MRPL48: variants seen among roughly 807,000 people sequenced by gnomAD.
MRPL48 encodes the protein large ribosomal subunit protein mL48.
In MRPL48, 16 loss-of-function variants were observed where a neutral mutation model predicts 32.9. That is an observed-to-expected ratio of 0.49 (90% CI 0.33 to 0.74). The LOEUF is 0.74. MRPL48 is among the 30% of genes least tolerant of loss of function. The pLI is 0.02. For synonymous variants in MRPL48, 94 were observed against 89.2 expected, an observed-to-expected ratio of 1.05 and a Z score of -0.31; for missense variants, 206 against 245.3, an observed-to-expected ratio of 0.84 and a Z score of 1.07.
intron 4 of MRPL48, chr11:73,843,370 A>C (rs1231431582): frequency 6.6e-6 from 1 of 151,896 alleles, no homozygotes; most frequent in East Asian, 1.9e-4. Flanking sequence ...GATTACAGGT[A>C]TGTGCCACCA....
At chr11:73,796,031 G>T (rs1318284433) in intron 1 of MRPL48, among the ~76,000 whole-genome samples, 1 of 152,124 alleles carries the variant, frequency 6.6e-6, no homozygotes, top group Non-Finnish European at 1.5e-5. Context: ...TGAAATCGTG[G>T]GCCATCTGGA....
chr11:73,861,432 C>T (rs183579551), intron 6 of MRPL48, among the ~76,000 whole-genome samples: 198 of 152,230 alleles, frequency 1.3e-3, no homozygotes, highest in African/African-American at 4.5e-3. Flanking sequence ...GGCAATGGTG[C>T]GATCTCGGCT....
intron 5 of MRPL48, chr11:73,850,678 ATTTT>A: frequency 7.0e-5 from 13 of 185,202 alleles, no homozygotes; most frequent in Middle Eastern, 2.2e-3. Context: ...GGGCTATACA[ATTTT>A]TTTTTTTTTT....
At chr11:73,801,549 C>G (rs1372615977) in intron 1 of MRPL48, among the ~76,000 whole-genome samples, 5 of 152,118 alleles carry the variant, frequency 3.3e-5, no homozygotes, top group South Asian at 2.1e-4. Flanking sequence ...CACATCCTTC[C>G]CAATCTTCAT....
At chr11:73,826,409 T>C (rs568735219) in intron 4 of MRPL48, among the ~76,000 whole-genome samples, 1 of 152,278 alleles carries the variant, frequency 6.6e-6, no homozygotes, top group Admixed American at 6.5e-5. Flanking sequence ...GATAATTCAG[T>C]TTAGTTGAGT....
At chr11:73,823,395 T>TAC (rs542262143) in intron 3 of MRPL48, among the ~76,000 whole-genome samples, 1 of 152,152 alleles carries the variant, frequency 6.6e-6, no homozygotes, top group Non-Finnish European at 1.5e-5. Flanking sequence ...TACATATAGA[T>TAC]ACACACACAT....
intron 1 of MRPL48, among the ~76,000 whole-genome samples, chr11:73,802,847 G>A (rs1450304208): frequency 1.3e-5 from 2 of 151,886 alleles, no homozygotes; most frequent in Non-Finnish European, 2.9e-5. Context: ...TCACAGGTGT[G>A]CACCACCACG....
chr11:73,808,766 AC>A (rs1240703272), intron 3 of MRPL48, among the ~76,000 whole-genome samples: 3 of 152,058 alleles, frequency 2.0e-5, no homozygotes, highest in Non-Finnish European at 4.4e-5. Flanking sequence ...TACTAAAAAT[AC>A]AAAAAATTAG....
intron 5 of MRPL48, among the ~76,000 whole-genome samples, chr11:73,855,815 T>G (rs1439872962): frequency 2.0e-5 from 3 of 152,202 alleles, no homozygotes; most frequent in Non-Finnish European, 4.4e-5. Flanking sequence ...TTTTGTTTTC[T>G]TACATGTCAT....
intron 3 of MRPL48, among the ~76,000 whole-genome samples, chr11:73,819,045 C>G (rs899378486): frequency 3.3e-5 from 5 of 152,182 alleles, no homozygotes; most frequent in African/African-American, 1.2e-4. Context: ...TGACATGACA[C>G]AGGGGAAAAG....
chr11:73,854,854 G>A (rs544306438), intron 5 of MRPL48, among the ~76,000 whole-genome samples: 1 of 152,246 alleles, frequency 6.6e-6, no homozygotes, highest in East Asian at 1.9e-4. Flanking sequence ...ATTTTTTTGT[G>A]TATTAGTAGA....
chr11:73,851,918 T>TACACACAC (rs35410725), intron 5 of MRPL48, among the ~76,000 whole-genome samples: 16 of 149,274 alleles, frequency 1.1e-4, no homozygotes, highest in African/African-American at 2.5e-4. Flanking sequence ...TCAGGGAACG[T>TACACACAC]ACACACACAC....
intron 3 of MRPL48, chr11:73,823,027 T>C (rs951628863): frequency 6.6e-6 from 3 of 451,396 alleles, no homozygotes; most frequent in Non-Finnish European, 1.3e-5. Context: ...GACTGTCTAG[T>C]TGCAGGAAAA....
intron 3 of MRPL48, among the ~76,000 whole-genome samples, chr11:73,817,200 G>A (rs1273059946): frequency 2.0e-5 from 3 of 152,086 alleles, no homozygotes; most frequent in African/African-American, 7.2e-5. Context: ...AGATCCAATA[G>A]GAATCATTTT....
At chr11:73,861,254 G>C (rs1252889587) in intron 6 of MRPL48, among the ~76,000 whole-genome samples, 1 of 152,128 alleles carries the variant, frequency 6.6e-6, no homozygotes, top group African/African-American at 2.4e-5. Context: ...GAAGCCCATA[G>C]AATAGTTTGA....
At chr11:73,855,258 C>G (rs975146323) in intron 5 of MRPL48, among the ~76,000 whole-genome samples, 1 of 151,752 alleles carries the variant, frequency 6.6e-6, no homozygotes, top group African/African-American at 2.4e-5. Flanking sequence ...GATTATGTCA[C>G]TCTTCTGCTT....
At chr11:73,803,290 C>T (rs1030881343) in intron 1 of MRPL48, among the ~76,000 whole-genome samples, 2 of 151,872 alleles carry the variant, frequency 1.3e-5, no homozygotes, top group African/African-American at 4.8e-5. Context: ...ACCACCACCC[C>T]TGGCTAATTT....
chr11:73,810,651 G>A (rs1947550590), intron 3 of MRPL48, among the ~76,000 whole-genome samples: 1 of 150,658 alleles, frequency 6.6e-6, no homozygotes, highest in South Asian at 2.1e-4. Context: ...GTGGTTTACT[G>A]CACCCATCAA....
At chr11:73,854,717 A>G (rs1185139585) in intron 5 of MRPL48, among the ~76,000 whole-genome samples, 3 of 152,216 alleles carry the variant, frequency 2.0e-5, no homozygotes, top group Non-Finnish European at 4.4e-5. Context: ...AAAACAAACA[A>G]CCAACCAAAA....
Sources: gnomAD v4.1 joint callset for allele counts (sites outside exome capture counted in the v4.1 genomes callset) on GRCh38, gnomAD v4.1.1 for gene constraint, MANE v1.5 for transcripts, NCBI Gene and HGNC (gene_info 2026-07-23, HGNC 2026-07-21) for gene names.